BMERB1: variants seen among roughly 807,000 people sequenced by gnomAD.
BMERB1 encodes bMERB domain-containing protein 1.
In BMERB1, 12 loss-of-function variants were observed where a neutral mutation model predicts 23.6. That is an observed-to-expected ratio of 0.51 (90% CI 0.33 to 0.82). The LOEUF is 0.82. BMERB1 is among the 40% of genes least tolerant of loss of function. The probability of loss-of-function intolerance (pLI) is 0.03; values close to 1 mark genes in which losing one functional copy is unlikely to be tolerated. For synonymous variants in BMERB1, 122 were observed against 96.6 expected (o/e 1.26, Z -1.54); for missense variants, 247 against 255.4 (o/e 0.97, Z 0.22).
At chr16:15,449,082 G>T (rs1205629953) in intron 1 of BMERB1, among the ~76,000 whole-genome samples, 1 of 152,136 alleles carries the variant, frequency 6.6e-6, no homozygotes, top group African/African-American at 2.4e-5. Flanking sequence ...AAACGATAAG[G>T]CCCCGTTAAA....
At chr16:15,528,375 C>T (rs560459200) in intron 2 of BMERB1, among the ~76,000 whole-genome samples, 2 of 152,232 alleles carry the variant, frequency 1.3e-5, no homozygotes, top group African/African-American at 2.4e-5. Flanking sequence ...CCTAATGGCC[C>T]TCACCCCTTA....
chr16:15,587,752 G>A lies in BMERB1; in HGVS notation c.*923G>A, dbSNP rs1326975254. ...GAGAGGCAGCGTGTGACCAGATTGTGTCCCGTCATTGGGTGGCATATGTTA... is the reference window on the plus strand; with the variant it reads ...GAGAGGCAGCGTGTGACCAGATTGTATCCCGTCATTGGGTGGCATATGTTA... On this transcript the variant is annotated 3_prime_UTR_variant, in exon 6 of 6. Transcript: ENST00000300006. 2 of 276,458 alleles carry A rather than the reference G, an allele frequency of 7.2e-6. No individual in the cohort carries two copies. The highest frequency in any genetic ancestry group is 2.3e-5 in the African/African-American group (1 of 44,226). The allele number at this position is 276,458 out of a possible 1,614,324, so 17.1% of individuals were successfully genotyped here. A position where few individuals can be genotyped will look rare whatever the true frequency, so the allele number is the denominator to read the frequency against.
intron 2 of BMERB1, among the ~76,000 whole-genome samples, chr16:15,554,824 G>A (rs55983807): frequency 2.0e-5 from 3 of 151,624 alleles, no homozygotes; most frequent in African/African-American, 4.9e-5. Flanking sequence ...CCGCCACCAC[G>A]CCCGGCTGAT....
At chr16:15,455,323 CAA>C (rs34467613) in intron 1 of BMERB1, among the ~76,000 whole-genome samples, 3 of 122,698 alleles carry the variant, frequency 2.4e-5, no homozygotes, top group Non-Finnish European at 1.7e-5. Context: ...GACTCTGTCT[CAA>C]AAAAAAAAAA....
chr16:15,509,442 C>T (rs2051633630), intron 1 of BMERB1, among the ~76,000 whole-genome samples: 2 of 152,048 alleles, frequency 1.3e-5, no homozygotes, highest in South Asian at 4.1e-4. Flanking sequence ...TCAGAGTCAT[C>T]TCAGTAAAAT....
chr16:15,505,763 C>T (rs987251574), intron 1 of BMERB1, among the ~76,000 whole-genome samples: 2 of 151,832 alleles, frequency 1.3e-5, no homozygotes, highest in African/African-American at 4.8e-5. Context: ...TGGTGGGCGC[C>T]TGTAGTCCCA....
chr16:15,565,460 T>A (rs1305565364), intron 2 of BMERB1, among the ~76,000 whole-genome samples: 1 of 152,242 alleles, frequency 6.6e-6, no homozygotes, highest in Admixed American at 6.5e-5. Flanking sequence ...ACCTTCTGTC[T>A]CTGCTAGCAA....
At chr16:15,547,075 C>T (rs550769881) in intron 2 of BMERB1, among the ~76,000 whole-genome samples, 33 of 144,580 alleles carry the variant, frequency 2.3e-4, no homozygotes, top group Admixed American at 1.4e-3. Flanking sequence ...TGCAGTGGTG[C>T]GATCTCTGCT....
At chr16:15,562,658 AAC>A (rs1044655741) in intron 2 of BMERB1, among the ~76,000 whole-genome samples, 1 of 152,072 alleles carries the variant, frequency 6.6e-6, no homozygotes, top group Admixed American at 6.6e-5. Context: ...ACCCCTCCCC[AAC>A]ACACACTCAA....
intron 1 of BMERB1, among the ~76,000 whole-genome samples, chr16:15,471,232 G>A (rs749671455): frequency 1.3e-4 from 20 of 152,130 alleles, no homozygotes; most frequent in Non-Finnish European, 7.3e-5. Flanking sequence ...AATTGATAGA[G>A]ATTCATTTTT....
chr16:15,583,871 A>G (rs2031077171), intron 5 of BMERB1: 1 of 608,242 alleles, frequency 1.6e-6, no homozygotes, highest in Admixed American at 2.8e-5. Context: ...GGGGCCCTAC[A>G]TTTTCATATT....
chr16:15,494,184 T>G (rs2051450565), intron 1 of BMERB1, among the ~76,000 whole-genome samples: 1 of 152,150 alleles, frequency 6.6e-6, no homozygotes, highest in Admixed American at 6.5e-5. Flanking sequence ...CCGAAAAAGA[T>G]TTGTTGTTTA....
chr16:15,585,410 G>A (rs1037414739), intron 5 of BMERB1, among the ~76,000 whole-genome samples: 6 of 152,184 alleles, frequency 3.9e-5, no homozygotes, highest in African/African-American at 1.4e-4. Flanking sequence ...TGTAAAACCA[G>A]TGAAATCTCT....
intron 1 of BMERB1, among the ~76,000 whole-genome samples, chr16:15,468,373 T>G (rs1453487498): frequency 6.6e-6 from 1 of 152,032 alleles, no homozygotes; most frequent in Non-Finnish European, 1.5e-5. Flanking sequence ...CTCAAACTCC[T>G]GGCCTCAAGT....
At chr16:15,547,714 G>A (rs1247641197) in intron 2 of BMERB1, among the ~76,000 whole-genome samples, 2 of 152,110 alleles carry the variant, frequency 1.3e-5, no homozygotes, top group African/African-American at 2.4e-5. Context: ...GGAGGCCTGC[G>A]TTAGTGAGAC....
intron 1 of BMERB1, among the ~76,000 whole-genome samples, chr16:15,469,455 T>C (rs1218273786): frequency 1.3e-5 from 2 of 152,226 alleles, no homozygotes; most frequent in African/African-American, 4.8e-5. Flanking sequence ...CTCAAATTAT[T>C]TTAGCTCTTA....
intron 2 of BMERB1, among the ~76,000 whole-genome samples, chr16:15,527,246 C>T (rs2051918695): frequency 6.6e-6 from 1 of 152,136 alleles, no homozygotes; most frequent in Non-Finnish European, 1.5e-5. Flanking sequence ...TTCCCTTTCC[C>T]CTGGCTCCTG....
chr16:15,487,730 T>C (rs2051380300), intron 1 of BMERB1, among the ~76,000 whole-genome samples: 2 of 152,166 alleles, frequency 1.3e-5, no homozygotes, highest in African/African-American at 4.8e-5. Context: ...TATTCATGAG[T>C]TTTCTGGGAA....
At chr16:15,451,314 T>G (rs2051039276) in intron 1 of BMERB1, among the ~76,000 whole-genome samples, 1 of 151,736 alleles carries the variant, frequency 6.6e-6, no homozygotes, top group Non-Finnish European at 1.5e-5. Context: ...CCTCAGCCTC[T>G]TGAGTAGCTG....
Sources: gnomAD v4.1 joint callset for allele counts (sites outside exome capture counted in the v4.1 genomes callset) on GRCh38, gnomAD v4.1.1 for gene constraint, MANE v1.5 for transcripts, NCBI Gene and HGNC (gene_info 2026-07-23, HGNC 2026-07-21) for gene names.